ARFIP1: variants seen among roughly 807,000 people sequenced by gnomAD.
ARFIP1 encodes the protein ARF interacting protein 1.
ARFIP1 carries 24 observed loss-of-function variants against 42.5 expected under a neutral mutation model. The observed-to-expected ratio is 0.57, with a 90% confidence interval of 0.41 to 0.80. The LOEUF is 0.80. Ranked by LOEUF, ARFIP1 falls within the 30% of genes least tolerant of loss-of-function variation. The pLI is 0.00. For synonymous variants in ARFIP1, 141 were observed against 153.7 expected (o/e 0.92, Z 0.61); for missense variants, 354 against 434.0 (o/e 0.82, Z 1.64).
At chr4:152,880,016 A>G (rs1216345733) in intron 5 of ARFIP1, among the ~76,000 whole-genome samples, 1 of 152,160 alleles carries the variant, frequency 6.6e-6, no homozygotes, top group African/African-American at 2.4e-5. Flanking sequence ...ACTTATTTCC[A>G]TGTGCTTTGA....
chr4:152,830,552 A>G (rs538067797), intron 2 of ARFIP1, among the ~76,000 whole-genome samples: 2 of 152,292 alleles, frequency 1.3e-5, no homozygotes, highest in East Asian at 3.9e-4. Context: ...TTAAATTATT[A>G]TGTAGTTTAA....
chr4:152,882,973 C>T (rs1287735654), intron 7 of ARFIP1, 93 bp downstream of exon 7: 2 of 1,316,238 alleles, frequency 1.5e-6, no homozygotes, highest in East Asian at 4.9e-5. Flanking sequence ...CCAACTCTGG[C>T]CAATATGGGC....
rs1738740454 is a variant in ARFIP1, at chr4:152,910,268, C to T, written c.*49C>T. On this transcript the variant is annotated 3_prime_UTR_variant, in exon 9 of 9. Transcript: ENST00000353617. Reference sequence around the variant, plus strand: ...AAGTCGCGTTGTTATATTTCTAAACCAACCTAACAAGAATTAAGCAGAGTT... The same window carrying T: ...AAGTCGCGTTGTTATATTTCTAAACTAACCTAACAAGAATTAAGCAGAGTT... 6.3e-7 allele frequency: 1 copy of T among 1,582,516 alleles called. No individual in the cohort carries two copies. The highest frequency in any genetic ancestry group is 1.4e-5 in the African/African-American group (1 of 73,776).
chr4:152,888,151 T>C lies in ARFIP1; in HGVS notation c.810T>C (p.Tyr270=), dbSNP rs768695550. The change falls in exon 8 of 9, where the codon TAT becomes TAC. Residue 270 remains tyrosine, a synonymous_variant. Coordinates refer to ENST00000353617, the MANE Select transcript of ARFIP1 (RefSeq NM_001025595.3). ...TTTCCAGGATTGAATATGATGCATA[T>C]CGCACTGATTTGGAAGAACTGAATC... ...YESARIEYDA[Y]RTDLEELNLG... The C allele has an allele frequency of 6.2e-7, 1 of 1,608,942 alleles. No homozygotes were observed. The highest frequency in any genetic ancestry group is 1.7e-5 in the Admixed American group (1 of 58,720).
chr4:152,816,652 T>C (rs1729911379), intron 1 of ARFIP1, among the ~76,000 whole-genome samples: 1 of 152,238 alleles, frequency 6.6e-6, no homozygotes. Context: ...GAATGTAAGC[T>C]CTATGAGAGC....
At chr4:152,863,257 A>C (rs181851021) in intron 2 of ARFIP1, among the ~76,000 whole-genome samples, 23 of 152,216 alleles carry the variant, frequency 1.5e-4, no homozygotes, top group Non-Finnish European at 3.2e-4. Context: ...CAGCTTTTAC[A>C]TATTAGACAT....
At chr4:152,794,275 G>A (rs779931709) in intron 1 of ARFIP1, among the ~76,000 whole-genome samples, 3 of 152,122 alleles carry the variant, frequency 2.0e-5, no homozygotes, top group Non-Finnish European at 4.4e-5. Context: ...CAATTTCTCC[G>A]TAGTCTCTTT....
intron 8 of ARFIP1, among the ~76,000 whole-genome samples, chr4:152,889,305 C>T (rs1278865652): frequency 6.6e-6 from 1 of 151,316 alleles, no homozygotes; most frequent in East Asian, 1.9e-4. Context: ...TTGGGATCCA[C>T]CTAGTCCAGC....
chr4:152,874,532 T>C (rs1057234206), intron 5 of ARFIP1, among the ~76,000 whole-genome samples: 19 of 152,222 alleles, frequency 1.2e-4, no homozygotes, highest in Admixed American at 4.6e-4. Context: ...CATGACTCTC[T>C]GTGTTCTTAC....
chr4:152,814,097 C>CTTTTTTTTTTTTTTTTTTTT (rs67593845), intron 1 of ARFIP1, among the ~76,000 whole-genome samples: 2 of 110,882 alleles, frequency 1.8e-5, no homozygotes, highest in Non-Finnish European at 1.9e-5. Flanking sequence ...TCTTCTTCTT[C>CTTTTTTTTTTTTTTTTTTTT]TTTTTTTTTT....
At chr4:152,901,495 A>C (rs1471236529) in intron 8 of ARFIP1, among the ~76,000 whole-genome samples, 1 of 152,202 alleles carries the variant, frequency 6.6e-6, no homozygotes. Flanking sequence ...ATGTTGCCGT[A>C]GTGGTTTTGC....
chr4:152,788,801 C>CTTTTTTTTTTTTTT (rs138189664), intron 1 of ARFIP1, among the ~76,000 whole-genome samples: 4 of 113,414 alleles, frequency 3.5e-5, no homozygotes, highest in Non-Finnish European at 5.3e-5. Context: ...TCCCCAATGT[C>CTTTTTTTTTTTTTT]TTTTTTTTTT....
chr4:152,894,962 T>C (rs767965981), intron 8 of ARFIP1, among the ~76,000 whole-genome samples: 6 of 152,182 alleles, frequency 3.9e-5, no homozygotes, highest in Non-Finnish European at 5.9e-5. Context: ...TGCAACTGCC[T>C]TGTGGCAGGA....
At chr4:152,780,893 C>G (rs1316200729) in intron 1 of ARFIP1, among the ~76,000 whole-genome samples, 1 of 152,160 alleles carries the variant, frequency 6.6e-6, no homozygotes, top group Non-Finnish European at 1.5e-5. Flanking sequence ...GTTATTACTT[C>G]CTTTGTTTTG....
At chr4:152,856,773 C>T (rs1475580637) in intron 2 of ARFIP1, among the ~76,000 whole-genome samples, 1 of 152,098 alleles carries the variant, frequency 6.6e-6, no homozygotes, top group African/African-American at 2.4e-5. Flanking sequence ...CTGTTATACT[C>T]ACTAAAACAT....
Position 152,822,400 on chromosome 4 carries a change from T to G in ARFIP1, c.-9-7225T>G, listed in dbSNP as rs556394855. Among the ~76,000 whole-genome samples, 150 of 151,448 alleles carry G rather than the reference T, an allele frequency of 9.9e-4. 1 individual carries two copies. The highest frequency in any genetic ancestry group is 3.6e-3 in the African/African-American group (148 of 41,266). On this transcript the variant is annotated intron_variant, in intron 1 of 8. Coordinates refer to ENST00000353617, the MANE Select transcript of ARFIP1 (RefSeq NM_001025595.3). Reference sequence around the variant, plus strand: ...GCATATATGCACCTAACTTTGGAGCTTCCATGTTTGTAAAGCAATTACTGC... The same window carrying G: ...GCATATATGCACCTAACTTTGGAGCGTCCATGTTTGTAAAGCAATTACTGC...
intron 1 of ARFIP1, among the ~76,000 whole-genome samples, chr4:152,802,760 G>T (rs1728523753): frequency 6.6e-6 from 1 of 152,120 alleles, no homozygotes; most frequent in African/African-American, 2.4e-5. Flanking sequence ...ATAATGTAAT[G>T]AATAGCAGGA....
intron 1 of ARFIP1, among the ~76,000 whole-genome samples, chr4:152,795,026 G>T (rs887512802): frequency 1.3e-5 from 2 of 152,078 alleles, no homozygotes; most frequent in African/African-American, 4.8e-5. Context: ...AATATATCGT[G>T]TATCCAGAGA....
chr4:152,830,970 A>G (rs529546629), intron 2 of ARFIP1, among the ~76,000 whole-genome samples: 2 of 152,310 alleles, frequency 1.3e-5, no homozygotes, highest in Non-Finnish European at 2.9e-5. Flanking sequence ...TTTAATGGCA[A>G]GTGCTTTAAC....
Sources: gnomAD v4.1 joint callset for allele counts (sites outside exome capture counted in the v4.1 genomes callset) on GRCh38, gnomAD v4.1.1 for gene constraint, MANE v1.5 for transcripts, NCBI Gene and HGNC (gene_info 2026-07-23, HGNC 2026-07-21) for gene names.